UBE2E2: variants seen among roughly 807,000 people sequenced by gnomAD.
UBE2E2 encodes the protein ubiquitin-conjugating enzyme E2 E2.
Under a neutral mutation model 24.7 loss-of-function variants are expected in UBE2E2, and 6 were observed. That is an observed-to-expected ratio of 0.24 (90% confidence interval 0.13 to 0.48). The LOEUF is 0.48. Among genes scored for constraint, UBE2E2 ranks in the 20% least tolerant of loss-of-function variants. The probability of loss-of-function intolerance (pLI) is 0.99; values close to 1 mark genes in which losing one functional copy is unlikely to be tolerated. For missense variants in UBE2E2, 169 were observed against 245.0 expected (o/e 0.69, Z 2.07); for synonymous variants, 104 against 83.6 (o/e 1.24, Z -1.33).
At chr3:23,393,584 T>C (rs1031467634) in intron 3 of UBE2E2, among the ~76,000 whole-genome samples, 2 of 152,192 alleles carry the variant, frequency 1.3e-5, no homozygotes, top group African/African-American at 2.4e-5. Context: ...TGAGAACCAC[T>C]GTTTTAGAGG....
chr3:23,396,303 T>TATATATATATACATATATATA (rs1553608066), intron 3 of UBE2E2, among the ~76,000 whole-genome samples: 1 of 128,042 alleles, frequency 7.8e-6, no homozygotes. Context: ...CATTTATTTT[T>TATATATATATACATATATATA]TATATATATA....
At chr3:23,521,608 A>G (rs1559410300) in intron 4 of UBE2E2, among the ~76,000 whole-genome samples, 1 of 152,152 alleles carries the variant, frequency 6.6e-6, no homozygotes, top group Non-Finnish European at 1.5e-5. Flanking sequence ...TGACTGGGGG[A>G]GACTGATGCC....
intron 3 of UBE2E2, among the ~76,000 whole-genome samples, chr3:23,337,747 A>T (rs1467621514): frequency 6.6e-6 from 1 of 152,218 alleles, no homozygotes; most frequent in Non-Finnish European, 1.5e-5. Flanking sequence ...GGTGGAATGT[A>T]GAGAATATTG....
intron 3 of UBE2E2, among the ~76,000 whole-genome samples, chr3:23,221,324 A>G (rs1458869219): frequency 2.0e-5 from 3 of 152,230 alleles, no homozygotes; most frequent in Non-Finnish European, 4.4e-5. Context: ...TATAAAGTGT[A>G]AAATTCACTT....
intron 3 of UBE2E2, among the ~76,000 whole-genome samples, chr3:23,260,164 T>C (rs117869865): frequency 0.029 from 4,377 of 152,324 alleles, 109 homozygotes; most frequent in East Asian, 0.13. Flanking sequence ...TTCTAATAGT[T>C]CTTTTTTGTT....
intron 3 of UBE2E2, among the ~76,000 whole-genome samples, chr3:23,373,283 G>GA (rs1325975420): frequency 3.3e-5 from 5 of 152,152 alleles, no homozygotes; most frequent in Non-Finnish European, 5.9e-5. Context: ...TCAAATTCTG[G>GA]AGATACTATA....
chr3:23,423,808 A>G (rs1002470783), intron 3 of UBE2E2, among the ~76,000 whole-genome samples: 1 of 152,192 alleles, frequency 6.6e-6, no homozygotes, highest in African/African-American at 2.4e-5. Flanking sequence ...ATCTCTTCCT[A>G]AATCTCCGAT....
chr3:23,352,251 T>G (rs1303859892), intron 3 of UBE2E2, among the ~76,000 whole-genome samples: 2 of 151,988 alleles, frequency 1.3e-5, no homozygotes, highest in African/African-American at 2.4e-5. Flanking sequence ...GAGGGAAATT[T>G]ATAGCACTAA....
At chr3:23,393,865 A>G (rs898010403) in intron 3 of UBE2E2, among the ~76,000 whole-genome samples, 2 of 152,216 alleles carry the variant, frequency 1.3e-5, no homozygotes, top group Admixed American at 1.3e-4. Flanking sequence ...ATCGGGACAC[A>G]TTTGCACTTA....
intron 3 of UBE2E2, among the ~76,000 whole-genome samples, chr3:23,237,716 C>CT (rs1697150606): frequency 6.6e-6 from 1 of 152,030 alleles, no homozygotes; most frequent in South Asian, 2.1e-4. Flanking sequence ...TTGCTTCATT[C>CT]TTACAGGTAG....
chr3:23,486,681 A>C (rs1699379869), intron 3 of UBE2E2, among the ~76,000 whole-genome samples: 2 of 152,134 alleles, frequency 1.3e-5, no homozygotes, highest in Admixed American at 1.3e-4. Context: ...GAGTGACAGA[A>C]CAGCTCTCAG....
intron 3 of UBE2E2, among the ~76,000 whole-genome samples, chr3:23,362,582 G>C (rs6780388): frequency 0.82 from 124,963 of 152,056 alleles, 51,342 homozygotes; most frequent in Admixed American, 0.85. Context: ...GTCCTGGCTT[G>C]CTATTGTCCC....
intron 3 of UBE2E2, among the ~76,000 whole-genome samples, chr3:23,258,734 A>G (rs1241926438): frequency 6.6e-6 from 1 of 151,944 alleles, no homozygotes; most frequent in Non-Finnish European, 1.5e-5. Context: ...TCTACTAAAA[A>G]TACAAAAAAT....
chr3:23,228,119 T>TTGTTATTTCAAA (rs1696874335), intron 3 of UBE2E2, among the ~76,000 whole-genome samples: 1 of 152,210 alleles, frequency 6.6e-6, no homozygotes, highest in Admixed American at 6.5e-5. Flanking sequence ...ATTCTTTGCT[T>TTGTTATTTCAAA]TGTTATTTCA....
intron 5 of UBE2E2, among the ~76,000 whole-genome samples, chr3:23,547,977 TACCGGAGGGAAG>T (rs1468651834): frequency 6.6e-6 from 1 of 152,210 alleles, no homozygotes; most frequent in Non-Finnish European, 1.5e-5. Flanking sequence ...CTGGTGTGAA[TACCGGAGGGAAG>T]ACTGGAGGGA....
At chr3:23,569,675 A>T (rs547467012) in intron 5 of UBE2E2, among the ~76,000 whole-genome samples, 1 of 152,212 alleles carries the variant, frequency 6.6e-6, no homozygotes, top group Non-Finnish European at 1.5e-5. Flanking sequence ...ATTATTACTT[A>T]ATTAAGCCTG....
chr3:23,526,428 C>T (rs900915242), intron 4 of UBE2E2, among the ~76,000 whole-genome samples: 4 of 152,162 alleles, frequency 2.6e-5, no homozygotes, highest in Admixed American at 2.0e-4. Flanking sequence ...GAGGTTATAA[C>T]CCCTCAGAGA....
chr3:23,237,833 CT>C (rs1319038734), intron 3 of UBE2E2, among the ~76,000 whole-genome samples: 2 of 152,074 alleles, frequency 1.3e-5, no homozygotes, highest in Non-Finnish European at 2.9e-5. Context: ...AAAAAATATG[CT>C]TTACAATGCA....
At chr3:23,261,039 G>C (rs1418675379) in intron 3 of UBE2E2, among the ~76,000 whole-genome samples, 1 of 152,122 alleles carries the variant, frequency 6.6e-6, no homozygotes, top group African/African-American at 2.4e-5. Flanking sequence ...GGAGGCCAAG[G>C]TTGCAATGAG....
Sources: gnomAD v4.1 joint callset for allele counts (sites outside exome capture counted in the v4.1 genomes callset) on GRCh38, gnomAD v4.1.1 for gene constraint, MANE v1.5 for transcripts, NCBI Gene and HGNC (gene_info 2026-07-23, HGNC 2026-07-21) for gene names.